IL1RAPL1: variants seen among roughly 807,000 people sequenced by gnomAD.
IL1RAPL1 encodes interleukin 1 receptor accessory protein like 1.
Under a neutral mutation model 48.4 loss-of-function variants are expected in IL1RAPL1, and 3 were observed. The observed-to-expected ratio is 0.06, with a 90% confidence interval of 0.03 to 0.16. IL1RAPL1 has a LOEUF of 0.16. Among genes scored for constraint, IL1RAPL1 ranks in the 10% least tolerant of loss-of-function variants. IL1RAPL1 has a pLI of 1.00. For missense variants in IL1RAPL1, 349 were observed against 530.6 expected (o/e 0.66, Z 3.36); for synonymous variants, 185 against 187.7 (o/e 0.99, Z 0.12).
chrX:28,689,574 A>C, intron 1 of IL1RAPL1, among the ~76,000 whole-genome samples: 1 of 112,134 alleles, frequency 8.9e-6, no homozygotes, highest in Non-Finnish European at 1.9e-5. Flanking sequence ...CTATAAAATT[A>C]TTTAAAAATA....
chrX:29,771,178 T>C (rs1929056525), intron 6 of IL1RAPL1, among the ~76,000 whole-genome samples: 2 of 112,047 alleles, frequency 1.8e-5, no homozygotes, highest in Non-Finnish European at 3.8e-5. Context: ...TCCAGAAAAA[T>C]ATGTCCCCCT....
chrX:29,346,391 G>T (rs1314402095), intron 3 of IL1RAPL1, among the ~76,000 whole-genome samples: 1 of 112,272 alleles, frequency 8.9e-6, no homozygotes, highest in Non-Finnish European at 1.9e-5. Context: ...GTGGAGGCAG[G>T]TAGAGTGGTA....
At chrX:29,684,382 G>T (rs776952428) in intron 6 of IL1RAPL1, among the ~76,000 whole-genome samples, 1 of 111,225 alleles carries the variant, frequency 9.0e-6, no homozygotes, top group Non-Finnish European at 1.9e-5. Flanking sequence ...CACAAAAGCA[G>T]AGCCCTCATC....
intron 2 of IL1RAPL1, among the ~76,000 whole-genome samples, chrX:28,903,954 A>G (rs986909864): frequency 3.6e-5 from 4 of 109,929 alleles, no homozygotes; most frequent in African/African-American, 1.3e-4. Flanking sequence ...TATATATTAT[A>G]TATTTATATA....
At chrX:28,633,992 T>A (rs1934430481) in intron 1 of IL1RAPL1, among the ~76,000 whole-genome samples, 2 of 111,417 alleles carry the variant, frequency 1.8e-5, no homozygotes, top group Non-Finnish European at 3.8e-5. Flanking sequence ...TATTTAAAGA[T>A]TGATTATATC....
At chrX:29,351,904 A>G (rs1933235497) in intron 3 of IL1RAPL1, among the ~76,000 whole-genome samples, 1 of 111,797 alleles carries the variant, frequency 8.9e-6, no homozygotes, top group African/African-American at 3.2e-5. Context: ...AAAGAAGGAT[A>G]CTGGGAAGAT....
intron 1 of IL1RAPL1, among the ~76,000 whole-genome samples, chrX:28,634,422 C>T (rs751016451): frequency 2.0e-4 from 21 of 106,486 alleles, no homozygotes; most frequent in South Asian, 1.2e-3. Context: ...TACATATATA[C>T]GTATGTATAT....
chrX:28,731,110 C>T (rs1935749623), intron 1 of IL1RAPL1, among the ~76,000 whole-genome samples: 1 of 111,936 alleles, frequency 8.9e-6, no homozygotes, highest in Admixed American at 9.5e-5. Context: ...AAAATAGGAT[C>T]ACCAACTCTA....
chrX:28,957,822 G>A (rs1166770324), intron 2 of IL1RAPL1, among the ~76,000 whole-genome samples: 3 of 109,272 alleles, frequency 2.7e-5, no homozygotes, highest in Non-Finnish European at 5.7e-5. Flanking sequence ...AGCTGGGTGT[G>A]GTGGTGGGCG....
At chrX:29,638,310 G>T (rs1411055039) in intron 5 of IL1RAPL1, among the ~76,000 whole-genome samples, 2 of 95,576 alleles carry the variant, frequency 2.1e-5, no homozygotes, top group Non-Finnish European at 4.0e-5. Context: ...TCACTCCATC[G>T]CGTAGGCTGG....
intron 2 of IL1RAPL1, among the ~76,000 whole-genome samples, chrX:29,208,640 G>A (rs1287688170): frequency 9.2e-6 from 1 of 108,233 alleles, no homozygotes; most frequent in Admixed American, 1.0e-4. Context: ...GAACCCAGGA[G>A]GTGGAGATTG....
intron 2 of IL1RAPL1, among the ~76,000 whole-genome samples, chrX:29,197,172 T>A (rs1382840943): frequency 8.9e-6 from 1 of 111,994 alleles, no homozygotes; most frequent in Non-Finnish European, 1.9e-5. Context: ...TTATTTAATT[T>A]ACTTATATAC....
chrX:29,282,896 T>A (rs1447090583), intron 2 of IL1RAPL1, 42 bp from the exon 3 acceptor site: 1 of 1,189,595 alleles, frequency 8.4e-7, no homozygotes, highest in Admixed American at 2.2e-5. Flanking sequence ...TTTTTGCCTC[T>A]AATGTTTTTC....
At chrX:29,867,941 G>A (rs987868382) in intron 6 of IL1RAPL1, among the ~76,000 whole-genome samples, 1 of 112,168 alleles carries the variant, frequency 8.9e-6, no homozygotes, top group African/African-American at 3.2e-5. Context: ...ACCTAAGACA[G>A]CTTATTTGAT....
intron 1 of IL1RAPL1, among the ~76,000 whole-genome samples, chrX:28,626,235 A>C (rs1339665488): frequency 8.9e-6 from 1 of 112,590 alleles, no homozygotes; most frequent in Non-Finnish European, 1.9e-5. Flanking sequence ...TGGTGGGCTG[A>C]CATAAATTCT....
intron 2 of IL1RAPL1, among the ~76,000 whole-genome samples, chrX:28,828,731 A>G (rs969640551): frequency 1.8e-5 from 2 of 112,192 alleles, no homozygotes; most frequent in African/African-American, 3.2e-5. Flanking sequence ...TTCATACCAC[A>G]CACTCTTGAT....
At chrX:29,289,894 T>C (rs1387672217) in intron 3 of IL1RAPL1, among the ~76,000 whole-genome samples, 1 of 112,566 alleles carries the variant, frequency 8.9e-6, no homozygotes, top group Non-Finnish European at 1.9e-5. Context: ...TGATTGATTT[T>C]TGTGTTAACA....
chrX:28,786,827 T>A (rs1302935424), intron 1 of IL1RAPL1, among the ~76,000 whole-genome samples: 4 of 111,982 alleles, frequency 3.6e-5, no homozygotes, highest in Non-Finnish European at 7.5e-5. Context: ...AATAAGAAAA[T>A]ATGTGAGAAC....
chrX:29,384,209 G>C (rs1933746685), intron 3 of IL1RAPL1, among the ~76,000 whole-genome samples: 2 of 111,510 alleles, frequency 1.8e-5, no homozygotes, highest in South Asian at 7.4e-4. Flanking sequence ...TATGCTAGAA[G>C]AGCTGAAATG....
Sources: allele counts gnomAD v4.1 joint callset (sites outside exome capture counted in the v4.1 genomes callset), GRCh38; gene constraint gnomAD v4.1.1; transcripts MANE v1.5; gene names NCBI Gene and HGNC (gene_info 2026-07-23, HGNC 2026-07-21).